VAV3: variants seen among roughly 807,000 people sequenced by gnomAD.
VAV3 encodes guanine nucleotide exchange factor VAV3.
VAV3 carries 94 observed loss-of-function variants against 131.2 expected under a neutral mutation model. The observed-to-expected ratio is 0.72, with a 90% CI of 0.61 to 0.85. The LOEUF is 0.85. Ranked by LOEUF, VAV3 falls within the 40% of genes least tolerant of loss-of-function variation. VAV3 has a pLI of 0.00. For missense variants in VAV3, 939 were observed against 1,002.7 expected (o/e 0.94, Z 0.86); for synonymous variants, 349 against 342.0 (o/e 1.02, Z -0.22).
At chr1:107,703,598 AG>A (rs1401537094) in intron 17 of VAV3, among the ~76,000 whole-genome samples, 1 of 152,212 alleles carries the variant, frequency 6.6e-6, no homozygotes, top group African/African-American at 2.4e-5. Flanking sequence ...GTCGTCTAAT[AG>A]GATTCACCTT....
At chr1:107,678,508 A>G (rs1658377048) in intron 19 of VAV3, among the ~76,000 whole-genome samples, 2 of 152,190 alleles carry the variant, frequency 1.3e-5, no homozygotes, top group Admixed American at 1.3e-4. Flanking sequence ...AGTGCATTTG[A>G]AAACACTCTG....
At chr1:107,941,874 C>CA (rs537914786) in intron 1 of VAV3, among the ~76,000 whole-genome samples, 10 of 151,610 alleles carry the variant, frequency 6.6e-5, no homozygotes, top group South Asian at 6.3e-4. Flanking sequence ...TCTCCCCTAC[C>CA]AAAAAAAATG....
At chr1:107,700,177 C>A (rs1660012930) in intron 17 of VAV3, among the ~76,000 whole-genome samples, 1 of 152,174 alleles carries the variant, frequency 6.6e-6, no homozygotes. Flanking sequence ...AAAAGGTAAG[C>A]TTACAAAAGC....
chr1:107,649,616 T>A (rs1007206909), intron 19 of VAV3, among the ~76,000 whole-genome samples: 2 of 152,062 alleles, frequency 1.3e-5, no homozygotes, highest in African/African-American at 4.8e-5. Context: ...CCAGAGCAAC[T>A]GAGCATGTTT....
intron 20 of VAV3, among the ~76,000 whole-genome samples, chr1:107,623,693 T>C (rs1653776828): frequency 6.6e-6 from 1 of 152,220 alleles, no homozygotes; most frequent in Non-Finnish European, 1.5e-5. Flanking sequence ...GGTTATATGA[T>C]GGCCACTACC....
chr1:107,921,393 G>T (rs955033444), intron 1 of VAV3, among the ~76,000 whole-genome samples: 3 of 152,184 alleles, frequency 2.0e-5, no homozygotes, highest in Non-Finnish European at 2.9e-5. Context: ...AGAGGGTAAG[G>T]AACTGGGGAA....
In VAV3 at chr1:107,766,776, G is replaced by A. The variant is rs564518805; in HGVS notation, c.718-226C>T. ...GAGAGGACAGGGTAGAAGAGGAGGA[G>A]GGAGAGCAGGGGAAGGAAAGGAGAA... On this transcript the variant is annotated intron_variant, in intron 7 of 26. Coordinates refer to ENST00000370056, the MANE Select transcript of VAV3 (RefSeq NM_006113.5). Among the ~76,000 whole-genome samples the A allele has an allele frequency of 1.6e-4, 25 of 151,970 alleles. No individual in the cohort carries two copies. The South Asian group carries it at 4.8e-3, about 29-fold the overall frequency.
intron 8 of VAV3, among the ~76,000 whole-genome samples, chr1:107,765,492 T>G (rs935282789): frequency 6.6e-6 from 1 of 152,186 alleles, no homozygotes; most frequent in South Asian, 2.1e-4. Flanking sequence ...AAAACAAAAT[T>G]AAAAATTTCT....
intron 1 of VAV3, among the ~76,000 whole-genome samples, chr1:107,879,216 A>G (rs1317802112): frequency 1.3e-5 from 2 of 152,248 alleles, no homozygotes; most frequent in East Asian, 1.9e-4. Context: ...ATTTCTCCAA[A>G]TAAGTCTTAT....
intron 2 of VAV3, among the ~76,000 whole-genome samples, chr1:107,874,195 G>A (rs1489360024): frequency 6.6e-6 from 1 of 152,094 alleles, no homozygotes; most frequent in African/African-American, 2.4e-5. Flanking sequence ...CTAGTTACTT[G>A]TGAGAGGTTT....
intron 15 of VAV3, among the ~76,000 whole-genome samples, chr1:107,747,105 C>A (rs980198673): frequency 1.1e-4 from 17 of 152,208 alleles, no homozygotes; most frequent in Non-Finnish European, 1.9e-4. Context: ...ATCTCGAACT[C>A]CTGACCTCAG....
At chr1:107,726,371 G>A (rs967379698) in intron 15 of VAV3, among the ~76,000 whole-genome samples, 10 of 152,154 alleles carry the variant, frequency 6.6e-5, no homozygotes, top group African/African-American at 2.4e-4. Flanking sequence ...TCTGTGCTCC[G>A]GCAGAGGCGC....
At chr1:107,638,629 C>A (rs1221906266) in intron 20 of VAV3, among the ~76,000 whole-genome samples, 1 of 152,018 alleles carries the variant, frequency 6.6e-6, no homozygotes, top group African/African-American at 2.4e-5. Context: ...CAATGAGATT[C>A]CAATCAAAAT....
chr1:107,955,357 G>A (rs763828581), intron 1 of VAV3, among the ~76,000 whole-genome samples: 20 of 151,914 alleles, frequency 1.3e-4, no homozygotes, highest in Admixed American at 5.2e-4. Context: ...AGGTAGTAAA[G>A]AGTCACCATT....
At chr1:107,699,713 C>A (rs1659976521) in intron 17 of VAV3, among the ~76,000 whole-genome samples, 1 of 152,170 alleles carries the variant, frequency 6.6e-6, no homozygotes, top group African/African-American at 2.4e-5. Context: ...AGCAGAGCTT[C>A]CCAAAGCTCG....
At chr1:107,820,864 T>G (rs1398147963) in intron 2 of VAV3, 1 of 152,160 alleles carries the variant, frequency 6.6e-6, no homozygotes, top group African/African-American at 2.4e-5. Context: ...CTTACCACTT[T>G]TTTAATGTAT....
At chr1:107,701,217 G>A (rs1228611245) in intron 17 of VAV3, among the ~76,000 whole-genome samples, 1 of 152,064 alleles carries the variant, frequency 6.6e-6, no homozygotes, top group Admixed American at 6.5e-5. Flanking sequence ...TTTGTTAGAC[G>A]GATACCTAAA....
chr1:107,634,460 C>T (rs1417263033), intron 20 of VAV3, among the ~76,000 whole-genome samples: 1 of 152,044 alleles, frequency 6.6e-6, no homozygotes, highest in African/African-American at 2.4e-5. Flanking sequence ...ACACCTTACA[C>T]AAAAATTAAT....
chr1:107,580,765 C>G (rs776290813), intron 25 of VAV3, among the ~76,000 whole-genome samples: 2 of 151,926 alleles, frequency 1.3e-5, no homozygotes, highest in African/African-American at 4.8e-5. Flanking sequence ...GGATTTAAAC[C>G]CAGATGTAAG....
Sources: gnomAD v4.1 joint callset for allele counts (sites outside exome capture counted in the v4.1 genomes callset) on GRCh38, gnomAD v4.1.1 for gene constraint, MANE v1.5 for transcripts, NCBI Gene and HGNC (gene_info 2026-07-23, HGNC 2026-07-21) for gene names.